Variants in USP30 observed in about 807,000 individuals in gnomAD.
USP30 encodes ubiquitin carboxyl-terminal hydrolase 30.
A neutral mutation model predicts 68.2 loss-of-function variants in USP30; 41 were observed. The observed-to-expected ratio is 0.60, with a 90% CI of 0.47 to 0.78. USP30 has a LOEUF of 0.78. Among genes scored for constraint, USP30 ranks in the 30% least tolerant of loss-of-function variants. The probability of loss-of-function intolerance (pLI) is 0.00; values close to 1 mark genes in which losing one functional copy is unlikely to be tolerated. For synonymous variants in USP30, 229 were observed against 253.7 expected, an observed-to-expected ratio of 0.90 and a Z score of 0.93; for missense variants, 522 against 649.4, an observed-to-expected ratio of 0.80 and a Z score of 2.13.
chr12:109,026,888 A>C (rs2040448949), intron 2 of USP30, among the ~76,000 whole-genome samples: 1 of 152,154 alleles, frequency 6.6e-6, no homozygotes, highest in Non-Finnish European at 1.5e-5. Context: ...CTCTGTGCTT[A>C]CATGCTCTTT....
chr12:109,024,383 G>A (rs149409535), intron 1 of USP30, among the ~76,000 whole-genome samples: 5 of 151,588 alleles, frequency 3.3e-5, no homozygotes, highest in East Asian at 1.9e-4. Flanking sequence ...TCAGCCTCCC[G>A]AATAGCTGGG....
chr12:109,086,189 T>C lies in USP30; in HGVS notation c.*258T>C, dbSNP rs777966158. On this transcript the variant is annotated 3_prime_UTR_variant, in exon 13 of 13. Coordinates refer to ENST00000257548, the MANE Select transcript of USP30 (RefSeq NM_032663.5). Reference sequence around the variant, plus strand: ...TGTCCGGAGTGTCTTTTTACTCATCTGATACAGGTAATTAAAAGAACTCAG... The same window carrying C: ...TGTCCGGAGTGTCTTTTTACTCATCCGATACAGGTAATTAAAAGAACTCAG... 2.4e-6 allele frequency: 1 copy of C among 410,540 alleles called. No homozygotes were observed. Among genetic ancestry groups the C allele is most frequent in the Non-Finnish European group, 4.3e-6 (1 of 231,764 alleles). 25.4% of individuals were successfully genotyped at this position (410,540 alleles called of 1,614,324 possible). A position where few individuals can be genotyped will look rare whatever the true frequency, so the allele number is the denominator to read the frequency against.
chr12:109,046,124 T>TG (rs2040602738), intron 3 of USP30, among the ~76,000 whole-genome samples: 1 of 113,796 alleles, frequency 8.8e-6, no homozygotes, highest in Admixed American at 1.2e-4. Flanking sequence ...TTTTTTTAGA[T>TG]GGAGTCTCAC....
rs779362326 is a variant in USP30 at position 109,058,856 on chromosome 12, A to G, written c.376+748A>G. Among the ~76,000 whole-genome samples, 61 of 152,246 alleles carry G rather than the reference A, an allele frequency of 4.0e-4. 1 individual carries two copies. Among genetic ancestry groups the G allele is most frequent in the Admixed American group, 1.1e-3 (17 of 15,284 alleles). On this transcript the variant is annotated intron_variant, in intron 3 of 12. Coordinates refer to ENST00000257548, the MANE Select transcript of USP30 (RefSeq NM_032663.5). ...AAAATGCTGTTTTTTGCCTGTCAGC[A>G]AAGATTAAAAAACAAATTTGCAGCC...
intron 3 of USP30, among the ~76,000 whole-genome samples, chr12:109,065,973 C>T (rs2041234359): frequency 6.6e-6 from 1 of 152,098 alleles, no homozygotes; most frequent in African/African-American, 2.4e-5. Flanking sequence ...AAGATGTGGC[C>T]AGGCACAGGG....
rs567826610 is a variant in USP30 at position 109,045,070 on chromosome 12, C to T, written c.-135-2520C>T. Among the ~76,000 whole-genome samples the T allele has an allele frequency of 2.5e-3, 375 of 150,040 alleles. 3 individuals carry two copies. Among genetic ancestry groups the T allele is most frequent in the Non-Finnish European group, 4.0e-3 (270 of 67,732 alleles). ...TCTGCTCACTGCAACCTCCGCCTCC[C>T]GGGTTCTAAGCGATTCTCCTGACTC... is the stretch of plus-strand genomic sequence containing the variant. On this transcript the variant is annotated intron_variant, in intron 3 of 15. Coordinates refer to the USP30 transcript ENST00000392784.
Position 109,085,677 on chromosome 12 carries a change from T to C in USP30, c.1300T>C (p.Tyr434His). The C allele has an allele frequency of 6.8e-6, 11 of 1,614,190 alleles. No individual in the cohort carries two copies. The highest frequency in any genetic ancestry group is 9.3e-6 in the Non-Finnish European group (11 of 1,180,012). The change falls in exon 13 of 13, where the codon TAC becomes CAC. Residue 434 changes from tyrosine (Y) to histidine (H), a missense_variant. By Grantham distance (83) the Tyr-to-His change is moderately conservative. Transcript: ENST00000257548. ...GTTCGTATCATTCAGCTCCTCCACA[T>C]ACCTCTTCCGGCTGATGGCAGTTGT... The part of the protein sequence containing the change: ...PVVPDYSSST[Y>H]LFRLMAVVVH...
chr12:109,059,193 T>G lies in USP30; in HGVS notation c.376+1085T>G, dbSNP rs1207230933. ...TTTTAAGAAATAACCTACCCAACTT[T>G]TTTTTGTTTTTGTTTTTTGAGACAG... is the stretch of plus-strand genomic sequence containing the variant. On this transcript the variant is annotated intron_variant, in intron 3 of 12. Transcript: ENST00000257548. Among the ~76,000 whole-genome samples, 7 of 152,160 alleles carry G rather than the reference T, an allele frequency of 4.6e-5. No homozygotes were observed. The South Asian group carries it at 8.3e-4, about 18-fold the overall frequency.
intron 7 of USP30, among the ~76,000 whole-genome samples, chr12:109,076,631 T>C (rs2041616403): frequency 6.6e-6 from 1 of 152,148 alleles, no homozygotes; most frequent in Non-Finnish European, 1.5e-5. Context: ...ATTTTTGTAA[T>C]GAATAGTGAT....
At chr12:109,052,551 T>C, upstream of USP30, 1 of 943,284 alleles carries the variant, frequency 1.1e-6, no homozygotes, top group Non-Finnish European at 1.5e-6. Flanking sequence ...TCCTGCGGTC[T>C]ACGTTCCCCC....
chr12:109,028,048 C>T (rs2040456702), intron 3 of USP30, among the ~76,000 whole-genome samples: 2 of 152,218 alleles, frequency 1.3e-5, no homozygotes, highest in Admixed American at 6.5e-5. Context: ...ACATTCTCCT[C>T]AACACTTGTT....
chr12:109,069,637 C>T (rs534068288), intron 4 of USP30, among the ~76,000 whole-genome samples: 2 of 152,304 alleles, frequency 1.3e-5, no homozygotes, highest in Non-Finnish European at 2.9e-5. Context: ...TTCCTGCTCT[C>T]TTAGAGCTGG....
intron 1 of USP30, among the ~76,000 whole-genome samples, chr12:109,024,643 C>T (rs375132475): frequency 3.0e-4 from 45 of 150,382 alleles, no homozygotes; most frequent in Non-Finnish European, 3.1e-4. Context: ...TTCCCGAGAC[C>T]GAGTCTCGCT....
chr12:109,039,987 G>A (rs2040551915), intron 3 of USP30, among the ~76,000 whole-genome samples: 1 of 151,956 alleles, frequency 6.6e-6, no homozygotes, highest in Non-Finnish European at 1.5e-5. Context: ...AAGATGACTT[G>A]GGGTGATATA....
chr12:109,039,841 C>T (rs140726743), intron 3 of USP30, among the ~76,000 whole-genome samples: 2 of 152,106 alleles, frequency 1.3e-5, no homozygotes, highest in Non-Finnish European at 2.9e-5. Flanking sequence ...GATCTCTTGA[C>T]CTCATGATCT....
intron 11 of USP30, among the ~76,000 whole-genome samples, chr12:109,083,557 C>T (rs2041866401): frequency 6.6e-6 from 1 of 152,074 alleles, no homozygotes; most frequent in Non-Finnish European, 1.5e-5. Context: ...GCTATTATCG[C>T]CGGTCTTACT....
chr12:109,044,157 G>C (rs114443624), intron 3 of USP30, among the ~76,000 whole-genome samples: 35 of 152,340 alleles, frequency 2.3e-4, no homozygotes, highest in African/African-American at 8.4e-4. Context: ...GAGATACTTA[G>C]AGTAGTTGAA....
chr12:109,023,628 C>CTTTTTTTTTTT (rs1179349331), intron 1 of USP30, among the ~76,000 whole-genome samples: 4 of 72,674 alleles, frequency 5.5e-5, no homozygotes, highest in African/African-American at 5.1e-5. Context: ...TTAATCAGGA[C>CTTTTTTTTTTT]TTTTTTTTTT....
At chr12:109,055,143 T>A (rs1277626532) in intron 1 of USP30, among the ~76,000 whole-genome samples, 1 of 151,682 alleles carries the variant, frequency 6.6e-6, no homozygotes, top group East Asian at 1.9e-4. Context: ...ATAAAAACAA[T>A]GTTTTAAATT....
Sources: allele counts gnomAD v4.1 joint callset (sites outside exome capture counted in the v4.1 genomes callset), GRCh38; gene constraint gnomAD v4.1.1; transcripts MANE v1.5; gene names NCBI Gene and HGNC (gene_info 2026-07-23, HGNC 2026-07-21).